Variants in RNF220 observed in about 807,000 individuals in gnomAD.
RNF220 encodes ring finger protein 220.
In RNF220, 7 loss-of-function variants were observed where a neutral mutation model predicts 67.1. The ratio of observed to expected loss-of-function variants is 0.10; its 90% CI spans 0.06 to 0.20. The LOEUF (loss-of-function observed/expected upper bound fraction) is 0.20. Ranked by LOEUF, RNF220 falls within the 10% of genes least tolerant of loss-of-function variation. RNF220 has a pLI of 1.00. For synonymous variants in RNF220, 270 were observed against 283.2 expected (o/e 0.95, Z 0.47); for missense variants, 565 against 740.3 (o/e 0.76, Z 2.75).
intron 2 of RNF220, among the ~76,000 whole-genome samples, chr1:44,579,706 G>T (rs552199694): frequency 6.6e-6 from 1 of 152,094 alleles, no homozygotes; most frequent in Non-Finnish European, 1.5e-5. Context: ...GCTTAAGTAA[G>T]TCCCCACTGA....
intron 2 of RNF220, among the ~76,000 whole-genome samples, chr1:44,528,742 G>A (rs1199439510): frequency 6.6e-6 from 1 of 150,974 alleles, no homozygotes; most frequent in Admixed American, 6.6e-5. Flanking sequence ...AGCCTCCCAA[G>A]TAGCTGGGAT....
intron 2 of RNF220, among the ~76,000 whole-genome samples, chr1:44,430,557 A>G (rs1349185481): frequency 6.6e-6 from 1 of 152,076 alleles, no homozygotes; most frequent in Non-Finnish European, 1.5e-5. Context: ...TTTATTTTTT[A>G]TTTTCTGAGG....
chr1:44,477,386 A>G (rs1470100214), intron 2 of RNF220, among the ~76,000 whole-genome samples: 2 of 152,238 alleles, frequency 1.3e-5, no homozygotes, highest in Non-Finnish European at 2.9e-5. Flanking sequence ...TAATAGGGTG[A>G]TCTATCAAGA....
intron 2 of RNF220, among the ~76,000 whole-genome samples, chr1:44,505,900 C>A (rs563870425): frequency 3.9e-5 from 6 of 152,240 alleles, no homozygotes; most frequent in African/African-American, 1.2e-4. Context: ...CCCCTCCCCC[C>A]ATGCCCTGCC....
rs182814922 is a variant in RNF220, at chr1:44,651,610, G to C, written c.*835G>C. The C allele has an allele frequency of 2.0e-5, 3 of 152,612 alleles. No individual in the cohort carries two copies. The East Asian group carries it at 5.8e-4, about 29-fold the overall frequency. The allele number at this position is 152,612 out of a possible 1,614,324, so 9.5% of individuals were successfully genotyped here. On this transcript the variant is annotated 3_prime_UTR_variant, in exon 15 of 15. Transcript: ENST00000361799. ...CCCAGGGAAAAAGTGTCGTCTCCCC[G>C]ACCCTCCCGTGGGCCCTGTGGTGTG... is the stretch of plus-strand genomic sequence containing the variant.
intron 2 of RNF220, among the ~76,000 whole-genome samples, chr1:44,553,107 C>T (rs79126657): frequency 2.0e-5 from 3 of 152,284 alleles, no homozygotes; most frequent in Non-Finnish European, 2.9e-5. Context: ...TTAGCTTAGA[C>T]TCATTTCCTC....
intron 2 of RNF220, among the ~76,000 whole-genome samples, chr1:44,449,336 A>G (rs1423880248): frequency 2.6e-5 from 4 of 151,842 alleles, no homozygotes; most frequent in Non-Finnish European, 2.9e-5. Flanking sequence ...AAAACTTCCA[A>G]TTTTTCCTGT....
intron 5 of RNF220, chr1:44,631,742 G>A: frequency 3.9e-6 from 1 of 258,190 alleles, no homozygotes; most frequent in Non-Finnish European, 6.1e-6. Context: ...CGGGCGATGG[G>A]GCGGAAGGAG....
At chr1:44,648,436 A>G (rs1644706640) in intron 12 of RNF220, 1 of 152,172 alleles carries the variant, frequency 6.6e-6, no homozygotes, top group Non-Finnish European at 1.5e-5. Flanking sequence ...CTCCTATACC[A>G]TCTTTTCTAC....
chr1:44,405,351 G>A lies in RNF220; in HGVS notation c.-297G>A, dbSNP rs1017953357. On this transcript the variant is annotated 5_prime_UTR_variant, in exon 1 of 15. Transcript: ENST00000361799. ...GTACATGCAATCCCAGGCAGCTCGC[G>A]AACACAAACCCGGGGCCAGCCGCCT... is the stretch of plus-strand genomic sequence containing the variant. 2 of 585,452 alleles carry A rather than the reference G, an allele frequency of 3.4e-6. No homozygotes were observed. The highest frequency in any genetic ancestry group is 3.9e-5 in the African/African-American group (2 of 51,362). The allele number at this position is 585,452 out of a possible 1,614,324, so 36.3% of individuals were successfully genotyped here. A position where few individuals can be genotyped will look rare whatever the true frequency, so the allele number is the denominator to read the frequency against.
intron 6 of RNF220, among the ~76,000 whole-genome samples, chr1:44,634,832 C>T (rs572602910): frequency 1.3e-5 from 2 of 152,312 alleles, no homozygotes; most frequent in South Asian, 4.1e-4. Context: ...GCCTCCAGGG[C>T]CTGCCAGCCC....
chr1:44,579,532 G>A (rs763393588), intron 2 of RNF220, among the ~76,000 whole-genome samples: 1 of 152,216 alleles, frequency 6.6e-6, no homozygotes, highest in Non-Finnish European at 1.5e-5. Context: ...ATGTGAGCCT[G>A]TTTGTCTAAG....
chr1:44,640,341 G>A (rs1402240316), intron 8 of RNF220, among the ~76,000 whole-genome samples: 1 of 152,258 alleles, frequency 6.6e-6, no homozygotes, highest in Non-Finnish European at 1.5e-5. Context: ...CGGTCTTGGA[G>A]TGGAGAGGGT....
intron 2 of RNF220, among the ~76,000 whole-genome samples, chr1:44,583,452 G>A (rs1665468187): frequency 6.6e-6 from 1 of 152,128 alleles, no homozygotes; most frequent in African/African-American, 2.4e-5. Flanking sequence ...AGAAATCTGT[G>A]CCCTCTCTGT....
chr1:44,449,026 T>G (rs915641472), intron 2 of RNF220, among the ~76,000 whole-genome samples: 10 of 152,222 alleles, frequency 6.6e-5, no homozygotes, highest in Non-Finnish European at 1.2e-4. Flanking sequence ...CACACCTCAA[T>G]GAATCTTCCG....
intron 2 of RNF220, among the ~76,000 whole-genome samples, chr1:44,590,303 G>A (rs891563725): frequency 6.6e-6 from 1 of 152,216 alleles, no homozygotes; most frequent in South Asian, 2.1e-4. Flanking sequence ...GGAAAGTCCG[G>A]GGAGGGGCTG....
At chr1:44,537,216 C>T (rs552779925) in intron 2 of RNF220, among the ~76,000 whole-genome samples, 1 of 152,266 alleles carries the variant, frequency 6.6e-6, no homozygotes, top group South Asian at 2.1e-4. Flanking sequence ...CTACAACCAA[C>T]CCCTTCTTGT....
intron 2 of RNF220, among the ~76,000 whole-genome samples, chr1:44,459,635 C>T (rs1213927067): frequency 1.3e-5 from 2 of 151,986 alleles, no homozygotes; most frequent in Non-Finnish European, 1.5e-5. Flanking sequence ...ACCACATGGC[C>T]AAAGAAAGGC....
intron 2 of RNF220, among the ~76,000 whole-genome samples, chr1:44,422,392 A>G (rs1366513477): frequency 6.6e-6 from 1 of 152,230 alleles, no homozygotes; most frequent in Non-Finnish European, 1.5e-5. Context: ...CCTTCCTGAC[A>G]GGCCAACCTG....
Sources: gnomAD v4.1 joint callset for allele counts (sites outside exome capture counted in the v4.1 genomes callset) on GRCh38, gnomAD v4.1.1 for gene constraint, MANE v1.5 for transcripts, NCBI Gene and HGNC (gene_info 2026-07-23, HGNC 2026-07-21) for gene names.